Variants in PCDHGA12 observed in about 807,000 individuals in gnomAD.
PCDHGA12 encodes protocadherin gamma-A12.
PCDHGA12 carries 43 observed loss-of-function variants against 61.1 expected under a neutral mutation model. The ratio of observed to expected loss-of-function variants is 0.70; its 90% CI spans 0.55 to 0.91. The LOEUF is 0.91. Among genes scored for constraint, PCDHGA12 ranks in the 40% least tolerant of loss-of-function variants. PCDHGA12 has a pLI of 0.00. For synonymous variants in PCDHGA12, 520 were observed against 542.9 expected (o/e 0.96, Z 0.59); for missense variants, 1,236 against 1,227.7 (o/e 1.01, Z -0.10).
rs766083208 is a variant in PCDHGA12, at chr5:141,477,506, G to A, written c.2425-17301G>A. 1.9e-6 allele frequency: 3 copies of A among 1,614,028 alleles called. No homozygotes were observed. Among genetic ancestry groups the A allele is most frequent in the South Asian group, 2.2e-5 (2 of 91,076 alleles). ...ACAATCTTCTCAATCTTCCTACGAC[G>A]TTTACATTGAAGAAAACAACCTCCC... On this transcript the variant is annotated intron_variant, in intron 1 of 3. Transcript: ENST00000252085. This position sits in a 1 kb window ranked among gnomAD's most constrained non-coding sequence, Gnocchi z 4.9.
At chr5:141,436,181 T>C (rs1050736907) in intron 1 of PCDHGA12, among the ~76,000 whole-genome samples, 2 of 152,092 alleles carry the variant, frequency 1.3e-5, no homozygotes, top group African/African-American at 4.8e-5. Flanking sequence ...TCATATATAG[T>C]CAAATAGAAA....
intron 1 of PCDHGA12, among the ~76,000 whole-genome samples, chr5:141,465,219 C>A (rs1272266733): frequency 6.6e-6 from 1 of 152,004 alleles, no homozygotes; most frequent in Non-Finnish European, 1.5e-5. Context: ...TATTTTTCAA[C>A]ATGAGCTCCA....
At position 141,490,006 on chromosome 5, in the gene PCDHGA12, C is replaced by T; in HGVS notation, c.2425-4801C>T. The stretch of plus-strand genomic sequence containing the variant: ...ACGTGTGGGAATCCCAGAGAATGCA[C>T]CCATTGGTACTCTGCTGCTCCGCCT... On this transcript the variant is annotated intron_variant, in intron 1 of 3. Coordinates refer to ENST00000252085, the MANE Select transcript of PCDHGA12 (RefSeq NM_003735.3). This position sits in a 1 kb window ranked among gnomAD's most constrained non-coding sequence, Gnocchi z 5.4. 2 of 1,614,222 alleles carry T rather than the reference C, an allele frequency of 1.2e-6. No homozygotes were observed. The highest frequency in any genetic ancestry group is 1.7e-6 in the Non-Finnish European group (2 of 1,180,010).
intron 1 of PCDHGA12, chr5:141,441,337 T>A (rs980210130): frequency 6.6e-6 from 1 of 152,112 alleles, no homozygotes; most frequent in African/African-American, 2.4e-5. Flanking sequence ...CTCCAATAAT[T>A]AACTACATGC....
At chr5:141,445,213 A>C (rs775782586) in intron 1 of PCDHGA12, among the ~76,000 whole-genome samples, 1 of 152,226 alleles carries the variant, frequency 6.6e-6, no homozygotes, top group Non-Finnish European at 1.5e-5. Context: ...TTGAAAAGTA[A>C]GAGGTGCAAA....
At position 141,477,418 on chromosome 5, in the gene PCDHGA12, C is replaced by G. The variant is rs759728291; in HGVS notation, c.2425-17389C>G. ...GCATCACCGCCCGAGACGCCGGAAC[C>G]CCTTCCCTCTCAGCCCTTACAATAG... On this transcript the variant is annotated intron_variant, in intron 1 of 3. Transcript: ENST00000252085. This position sits in a 1 kb window ranked among gnomAD's most constrained non-coding sequence, Gnocchi z 4.9. 2 of 1,614,166 alleles carry G rather than the reference C, an allele frequency of 1.2e-6. No homozygotes were observed. Among genetic ancestry groups the G allele is most frequent in the Non-Finnish European group, 1.7e-6 (2 of 1,180,030 alleles).
chr5:141,472,980 C>CAAAAAAAAAAAAAAAAAAAAAAA (rs60579131), intron 1 of PCDHGA12, among the ~76,000 whole-genome samples: 6 of 86,066 alleles, frequency 7.0e-5, no homozygotes, highest in Non-Finnish European at 1.0e-4. Context: ...GAGTGAAACT[C>CAAAAAAAAAAAAAAAAAAAAAAA]AAAAAAAAAA....
chr5:141,434,429 C>T (rs1379210960), intron 1 of PCDHGA12, among the ~76,000 whole-genome samples: 2 of 152,152 alleles, frequency 1.3e-5, no homozygotes, highest in Admixed American at 6.5e-5. Flanking sequence ...TCATGATGGC[C>T]GTAATGCCCA....
Position 141,485,495 on chromosome 5 carries a change from T to C in PCDHGA12, c.2425-9312T>C. 1 of 1,613,494 alleles carries C rather than the reference T, an allele frequency of 6.2e-7. No homozygotes were observed. Among genetic ancestry groups the C allele is most frequent in the African/African-American group, 1.3e-5 (1 of 74,780 alleles). On this transcript the variant is annotated intron_variant, in intron 1 of 3. Coordinates refer to ENST00000252085, the MANE Select transcript of PCDHGA12 (RefSeq NM_003735.3). This position sits in a 1 kb window ranked among gnomAD's most constrained non-coding sequence, Gnocchi z 5.7. ...TGCCAGCTGCATCGTGCCCCTGGAG[T>C]TTGTCACCGAAGGTCCTTTGGAAAT...
intron 2 of PCDHGA12, among the ~76,000 whole-genome samples, chr5:141,497,023 G>A (rs1271608156): frequency 1.3e-5 from 2 of 151,912 alleles, no homozygotes; most frequent in Non-Finnish European, 2.9e-5. Flanking sequence ...ACCCCATCTC[G>A]ATTAAAAATA....
Position 141,478,316 on chromosome 5 carries a change from C to T in PCDHGA12, c.2425-16491C>T, listed in dbSNP as rs776948755. ...CCTATACCGAGCCCCGGTGAGCTCA[C>T]TGTACCGAACACCAGGGCCCTCCTT... On this transcript the variant is annotated intron_variant, in intron 1 of 3. Coordinates refer to ENST00000252085, the MANE Select transcript of PCDHGA12 (RefSeq NM_003735.3). 120 of 1,613,924 alleles carry T rather than the reference C, an allele frequency of 7.4e-5. 2 individuals carry two copies. In the South Asian group the frequency reaches 1.3e-3, roughly 18 times the overall value.
At position 141,486,493 on chromosome 5, in the gene PCDHGA12, T is replaced by C. The variant is rs761905572; in HGVS notation, c.2425-8314T>C. The C allele has an allele frequency of 1.2e-6, 2 of 1,614,136 alleles. No homozygotes were observed. The highest frequency in any genetic ancestry group is 1.7e-6 in the Non-Finnish European group (2 of 1,179,960). Reference sequence around the variant, plus strand: ...ACCCTCCTCTCAGTACCCACAGAACTATTTTCCTCAATATTTCAGATGTGA... The same window carrying C: ...ACCCTCCTCTCAGTACCCACAGAACCATTTTCCTCAATATTTCAGATGTGA... On this transcript the variant is annotated intron_variant, in intron 1 of 3. Transcript: ENST00000252085. The surrounding 1 kb of genome is among the most constrained non-coding windows in gnomAD (Gnocchi z 5.0).
chr5:141,505,320 C>G, intron 2 of PCDHGA12, 73 bp from the exon 3 acceptor site: 2 of 1,605,358 alleles, frequency 1.2e-6, no homozygotes, highest in Non-Finnish European at 1.7e-6. Context: ...TTTGGGAGCC[C>G]TGGGAGAGGA....
At chr5:141,441,790 A>G in intron 1 of PCDHGA12, 1 of 391,228 alleles carries the variant, frequency 2.6e-6, no homozygotes, top group South Asian at 2.0e-5. Context: ...CTGAATGACA[A>G]CGCACCGCGG....
At chr5:141,507,178 G>A (rs548016031) in intron 3 of PCDHGA12, 4 of 152,350 alleles carry the variant, frequency 2.6e-5, no homozygotes, top group East Asian at 3.9e-4. Flanking sequence ...CCTCTTCCTC[G>A]AGCTCTGCTT....
Position 141,476,472 on chromosome 5 carries a change from T to C in PCDHGA12, c.2425-18335T>C. On this transcript the variant is annotated intron_variant, in intron 1 of 3. Coordinates refer to ENST00000252085, the MANE Select transcript of PCDHGA12 (RefSeq NM_003735.3). The surrounding 1 kb of genome is among the most constrained non-coding windows in gnomAD (Gnocchi z 7.6). The stretch of plus-strand genomic sequence containing the variant: ...GTAGTGGAGAACCCGCTGGAGCTGT[T>C]CAGCGTGGAAGTGGTGATCCAGGAC... 1 of 1,614,098 alleles carries C rather than the reference T, an allele frequency of 6.2e-7. No homozygotes were observed. The highest frequency in any genetic ancestry group is 8.5e-7 in the Non-Finnish European group (1 of 1,180,024).
chr5:141,433,508 A>G (rs2097615565), intron 1 of PCDHGA12, among the ~76,000 whole-genome samples: 1 of 152,068 alleles, frequency 6.6e-6, no homozygotes, highest in Non-Finnish European at 1.5e-5. Context: ...TGCTGGGATT[A>G]CAGGCGTGAA....
chr5:141,473,308 A>G (rs1248143328), intron 1 of PCDHGA12, among the ~76,000 whole-genome samples: 1 of 152,234 alleles, frequency 6.6e-6, no homozygotes, highest in Non-Finnish European at 1.5e-5. Context: ...AGATTGCTAT[A>G]TTAATAAGCA....
intron 1 of PCDHGA12, chr5:141,439,735 G>A (rs1317592646): frequency 1.3e-5 from 2 of 152,360 alleles, no homozygotes; most frequent in Non-Finnish European, 2.9e-5. Flanking sequence ...AGCAGGAACG[G>A]AACGGATTTA....
Sources: gnomAD v4.1 joint callset for allele counts (sites outside exome capture counted in the v4.1 genomes callset) on GRCh38, gnomAD v4.1.1 for gene constraint, Gnocchi (gnomAD v3.1) non-coding constraint, MANE v1.5 for transcripts, NCBI Gene and HGNC (gene_info 2026-07-23, HGNC 2026-07-21) for gene names.